MUC4: variants seen among roughly 807,000 people sequenced by gnomAD.
MUC4 encodes mucin 4, cell surface associated, also known as mucin-4.
In MUC4, 202 loss-of-function variants were observed where a neutral mutation model predicts 257.9. That is an observed-to-expected ratio of 0.78 (90% CI 0.70 to 0.88). The LOEUF is 0.88. Ranked by LOEUF, MUC4 falls within the 40% of genes least tolerant of loss-of-function variation. MUC4 has a pLI of 0.00. For missense variants in MUC4, 5,976 were observed against 6,513.7 expected (o/e 0.92, Z 2.84); for synonymous variants, 2,351 against 2,757.1 (o/e 0.85, Z 4.62).
In MUC4 at chr3:195,751,172, G is replaced by T. The variant is rs368194796; in HGVS notation, c.15647+35C>A. On this transcript the variant is annotated intron_variant, in intron 22 of 24. Coordinates refer to ENST00000463781, the MANE Select transcript of MUC4 (RefSeq NM_018406.7). Reference sequence around the variant, plus strand: ...GGCTGGGGGTGGGGGATGAGGAAGAGATCTGGGGGCTTAGGGGGACACAGT... The same window carrying T: ...GGCTGGGGGTGGGGGATGAGGAAGATATCTGGGGGCTTAGGGGGACACAGT... 4 of 1,544,118 alleles carry T rather than the reference G, an allele frequency of 2.6e-6. No individual in the cohort carries two copies. In the African/African-American group the frequency reaches 4.1e-5, roughly 16 times the overall value.
rs1730432107 is a variant in MUC4, at chr3:195,784,602, A to AG, written c.6977_6978insC (p.Ser2327PhefsTer7). On this transcript the variant is annotated frameshift_variant, in exon 2 of 25. Coordinates refer to ENST00000463781, the MANE Select transcript of MUC4 (RefSeq NM_018406.7). LOFTEE classifies it high-confidence loss of function. ...TGGTGTCACCTGTGGATGCTGAGGA[A>AG]AGGCTGGTGACAGGAAGAGGGGTGG... The AG allele has an allele frequency of 7.1e-7, 1 of 1,412,040 alleles. No individual in the cohort carries two copies. Among genetic ancestry groups the AG allele is most frequent in the African/African-American group, 1.7e-5 (1 of 58,740 alleles). 87.5% of individuals were successfully genotyped at this position (1,412,040 alleles called of 1,614,324 possible). A position where few individuals can be genotyped will look rare whatever the true frequency, so the allele number is the denominator to read the frequency against.
intron 1 of MUC4, among the ~76,000 whole-genome samples, chr3:195,798,753 C>T (rs1469973027): frequency 6.6e-6 from 1 of 152,106 alleles, no homozygotes; most frequent in African/African-American, 2.4e-5. Context: ...TTAACTTATT[C>T]AGTATACATA....
chr3:195,771,814 G>A lies in MUC4; in HGVS notation c.13080C>T (p.Phe4360=). 1 of 1,613,764 alleles carries A rather than the reference G, an allele frequency of 6.2e-7. No homozygotes were observed. The highest frequency in any genetic ancestry group is 8.5e-7 in the Non-Finnish European group (1 of 1,179,748). ...GGAAGATGATCTGGCCATTGTCTGT[G>A]AACTGAGCACATGGGTTTTGTGGTC... ...LGSSLRDSLY[F]TDNGQIIFPE... The change falls in exon 5 of 25, where the codon TTC becomes TTT. Residue 4360 remains phenylalanine, a splice_region_variant and synonymous_variant. Coordinates refer to ENST00000463781, the MANE Select transcript of MUC4 (RefSeq NM_018406.7).
chr3:195,778,188 T>C, intron 3 of MUC4, 115 bp downstream of exon 3: 1 of 1,340,604 alleles, frequency 7.5e-7, no homozygotes, highest in South Asian at 1.5e-5. Context: ...TGTGTCCCTG[T>C]CCTCGGTAAG....
chr3:195,759,151 C>T lies in MUC4; in HGVS notation c.14959G>A (p.Asp4987Asn). Reference protein sequence around the residue: ...NAEDANFTLRDSCTDLELFEN... With the variant: ...NAEDANFTLRNSCTDLELFEN... ...AAGAGCTCCAAGTCGGTGCAGCTGT[C>T]TCTGAGCGTGAAGTTGGCATCCTCA... The change falls in exon 17 of 25, where the codon GAC becomes AAC. Residue 4987 changes from aspartate to asparagine, a missense_variant. This residue lies in a region of MUC4 where 996 missense variants were observed against 1,137.3 expected (regional missense o/e 0.88). Coordinates refer to ENST00000463781, the MANE Select transcript of MUC4 (RefSeq NM_018406.7). 6.2e-7 allele frequency: 1 copy of T among 1,614,096 alleles called. No homozygotes were observed. The highest frequency in any genetic ancestry group is 8.5e-7 in the Non-Finnish European group (1 of 1,179,992).
Position 195,751,099 on chromosome 3 carries a change from G to C in MUC4, c.15661C>G (p.Pro5221Ala), listed in dbSNP as rs1490417628. The C allele has an allele frequency of 1.3e-6, 2 of 1,596,708 alleles. No homozygotes were observed. The highest frequency in any genetic ancestry group is 1.7e-6 in the Non-Finnish European group (2 of 1,176,776). ...TGTTGGATGGGGCTTCCCGAGGCCG[G>C]TGCTGCAGAATCGCTGTGTGGGAGG... ...SQVERIDSAA[P>A]ASGSPIQHWM... is the part of the protein sequence containing the mutation. Residue 5221 changes from proline (P) to alanine (A), a missense_variant, in exon 23 of 25, where the codon CCG becomes GCG. Transcript: ENST00000463781.
chr3:195,763,846 T>C (rs899454332), intron 11 of MUC4, among the ~76,000 whole-genome samples, 199 bp downstream of exon 11: 4 of 152,174 alleles, frequency 2.6e-5, no homozygotes, highest in Non-Finnish European at 4.4e-5. Flanking sequence ...CCTTGCATTT[T>C]CGTGCCCCGC....
intron 24 of MUC4, among the ~76,000 whole-genome samples, chr3:195,748,292 G>T (rs1371438739): frequency 1.5e-4 from 23 of 152,398 alleles, no homozygotes; most frequent in African/African-American, 5.5e-4. Flanking sequence ...GCCCTGGCGC[G>T]GTGGCTCACG....
chr3:195,751,104 G>GC lies in MUC4; in HGVS notation c.15655dup (p.Ala5219GlyfsTer28). 7.2e-7 allele frequency: 1 copy of GC among 1,394,556 alleles called. No individual in the cohort carries two copies. Among genetic ancestry groups the GC allele is most frequent in the Non-Finnish European group, 9.6e-7 (1 of 1,046,064 alleles). 86.4% of individuals were successfully genotyped at this position (1,394,556 alleles called of 1,614,324 possible). A position where few individuals can be genotyped will look rare whatever the true frequency, so the allele number is the denominator to read the frequency against. On this transcript the variant is annotated frameshift_variant, in exon 23 of 25. Transcript: ENST00000463781. LOFTEE classifies it high-confidence loss of function. ...GATGGGGCTTCCCGAGGCCGGTGCT[G>GC]CAGAATCGCTGTGTGGGAGGGCAAC...
rs55860315 is a variant in MUC4 at position 195,758,573 on chromosome 3, C to CTTTTTTTTTTTTTTTTTTTTT, written c.14986+550_14986+551insAAAAAAAAAAAAAAAAAAAAA. ...GATTGAGATTAAATGATCTTCAAAT[C>CTTTTTTTTTTTTTTTTTTTTT]TTTTTTTTGAGACAGAGTCTCGCTC... On this transcript the variant is annotated intron_variant, in intron 17 of 24. Coordinates refer to ENST00000463781, the MANE Select transcript of MUC4 (RefSeq NM_018406.7). Among the ~76,000 whole-genome samples, 7 of 126,474 alleles carry CTTTTTTTTTTTTTTTTTTTTT rather than the reference C, an allele frequency of 5.5e-5. 1 individual carries two copies. Among genetic ancestry groups the CTTTTTTTTTTTTTTTTTTTTT allele is most frequent in the Admixed American group, 8.1e-5 (1 of 12,380 alleles). 83.0% of individuals were successfully genotyped at this position (126,474 alleles called of 152,430 possible).
At chr3:195,767,630 TCACCACCACCATCGCCACCACCACCAC>T (rs1721295285) in intron 7 of MUC4, among the ~76,000 whole-genome samples, 1 of 26,668 alleles carries the variant, frequency 3.7e-5, no homozygotes, top group Non-Finnish European at 8.5e-5. Flanking sequence ...ATCACCACCA[TCACCACCACCATCGCCACCACCACCAC>T]CACCACCATC....
chr3:195,763,500 G>C lies in MUC4; in HGVS notation c.14186C>G (p.Ser4729Ter). The C allele has an allele frequency of 1.9e-6, 3 of 1,540,804 alleles. No individual in the cohort carries two copies. The highest frequency in any genetic ancestry group is 2.6e-6 in the Non-Finnish European group (3 of 1,140,194). ...LLQGRTAQTG[S>*]AQATNFIAFA... ...GGCGATGAAGTTGGTGGCCTGGGCTGAGCCAGTCTGGGCGGTGCGGCCCTG... is the reference window on the plus strand; with the variant it reads ...GGCGATGAAGTTGGTGGCCTGGGCTCAGCCAGTCTGGGCGGTGCGGCCCTG... The change falls in exon 12 of 25, where the codon TCA (serine) becomes TGA (stop). Residue 4729 changes from serine (S) to a stop codon, truncating the protein, a stop_gained. Transcript: ENST00000463781. LOFTEE classifies it high-confidence loss of function.
At position 195,779,952 on chromosome 3, in the gene MUC4, G is replaced by A. The variant is rs1185646176; in HGVS notation, c.11628C>T (p.Thr3876=). The A allele has an allele frequency of 2.8e-4, 407 of 1,471,682 alleles. 34 individuals carry two copies. Among genetic ancestry groups the A allele is most frequent in the Middle Eastern group, 2.5e-4 (1 of 3,966 alleles). 91.2% of individuals were successfully genotyped at this position (1,471,682 alleles called of 1,614,324 possible). A position where few individuals can be genotyped will look rare whatever the true frequency, so the allele number is the denominator to read the frequency against. Residue 3876 remains threonine (T), a synonymous_variant, in exon 2 of 25, where the codon ACC becomes ACT. Transcript: ENST00000463781. ...CACCTGTGGAAGCTGAGGAAAGGCC[G>A]GTAACAGGAAGAGGGGTGGCGTGAC... ...STGHATPLPV[T]GLSSASTGDT... is the part of the protein sequence containing the mutation.
intron 18 of MUC4, among the ~76,000 whole-genome samples, chr3:195,754,874 TA>T: frequency 4.5e-5 from 1 of 22,422 alleles, no homozygotes; most frequent in South Asian, 1.3e-3. Flanking sequence ...TGTATCAATG[TA>T]TGTATCCATG....
chr3:195,775,129 C>G (rs997832301), intron 3 of MUC4, among the ~76,000 whole-genome samples: 3 of 152,046 alleles, frequency 2.0e-5, no homozygotes, highest in Admixed American at 2.0e-4. Context: ...TCCCCTGGTC[C>G]TGCTTGGAAA....
Position 195,790,773 on chromosome 3 carries a change from G to A in MUC4, c.807C>T (p.Ser269=), listed in dbSNP as rs369022054. The change falls in exon 2 of 25, where the codon TCC becomes TCT. Residue 269 remains serine, a synonymous_variant. Coordinates refer to ENST00000463781, the MANE Select transcript of MUC4 (RefSeq NM_018406.7). ...CTGGGTTTCCAAGAGTGGAGCCTGT[G>A]GAGGTTGTCACTGTTATCTTCTCTG... ...MTSEKITVTT[S]TGSTLGNPGE... 44 of 1,613,884 alleles carry A rather than the reference G, an allele frequency of 2.7e-5. No homozygotes were observed. In the African/African-American group the frequency reaches 5.5e-4, roughly 20 times the overall value.
chr3:195,767,527 AT>A, intron 7 of MUC4, among the ~76,000 whole-genome samples: 1 of 100,782 alleles, frequency 9.9e-6, no homozygotes, highest in African/African-American at 4.1e-5. Context: ...CACCACCACC[AT>A]CGCCACCACC....
chr3:195,759,410 C>G (rs564606675), intron 16 of MUC4, 149 bp from the exon 17 acceptor site: 4 of 1,105,780 alleles, frequency 3.6e-6, no homozygotes, highest in Middle Eastern at 3.0e-4. Flanking sequence ...TACCTGCTCT[C>G]GACTGACGCA....
At position 195,784,099 on chromosome 3, in the gene MUC4, G is replaced by A. The variant is rs749501956; in HGVS notation, c.7481C>T (p.Thr2494Ile). Residue 2494 changes from threonine to isoleucine, a missense_variant, in exon 2 of 25, where the codon ACC becomes ATC. Around this residue, in one of 44 missense-constraint regions of MUC4, gnomAD observed 57 missense variants for 116.5 expected, o/e 0.49. Coordinates refer to ENST00000463781, the MANE Select transcript of MUC4 (RefSeq NM_018406.7). ...AGGGCTGGTGACAGGAAGACGGGTG[G>A]TGTCACCTGTGGATACTGACGAAGC... ...TDASSVSTGD[T>I]TRLPVTSPSS... 1.3e-6 allele frequency: 2 copies of A among 1,535,904 alleles called. No individual in the cohort carries two copies. The highest frequency in any genetic ancestry group is 1.2e-5 in the South Asian group (1 of 83,500).
Sources: gnomAD v4.1 joint callset for allele counts (sites outside exome capture counted in the v4.1 genomes callset) on GRCh38, gnomAD v4.1.1 for gene constraint, gnomAD v4.1.1 regional missense constraint, MANE v1.5 for transcripts, NCBI Gene and HGNC (gene_info 2026-07-23, HGNC 2026-07-21) for gene names.